Variants in ITGA4 observed in about 807,000 individuals in gnomAD.
ITGA4 encodes integrin subunit alpha 4.
A neutral mutation model predicts 133.6 loss-of-function variants in ITGA4; 63 were observed. The ratio of observed to expected loss-of-function variants is 0.47; its 90% CI spans 0.38 to 0.58. The LOEUF is 0.58. ITGA4 is among the 20% of genes least tolerant of loss of function. ITGA4 has a pLI of 0.00. For synonymous variants in ITGA4, 483 were observed against 438.0 expected (o/e 1.10, Z -1.28); for missense variants, 1,076 against 1,252.7 (o/e 0.86, Z 2.13).
intron 9 of ITGA4, among the ~76,000 whole-genome samples, chr2:181,485,497 T>C (rs1685895056): frequency 6.6e-6 from 1 of 152,204 alleles, no homozygotes; most frequent in South Asian, 2.1e-4. Flanking sequence ...TGTGGGCTTA[T>C]TGAAGAAAGG....
chr2:181,534,262 T>G lies in ITGA4; in HGVS notation c.2785-10T>G. 6.5e-7 allele frequency: 1 copy of G among 1,537,094 alleles called. No individual in the cohort carries two copies. The highest frequency in any genetic ancestry group is 9.0e-7 in the Non-Finnish European group (1 of 1,110,546). ...AACCAGGCTATGGTGATCCTTCTTT[T>G]ATTAAACAGGATGAGACTTCAGCAC... is the stretch of plus-strand genomic sequence containing the variant. On this transcript the variant is annotated splice_polypyrimidine_tract_variant and intron_variant, in intron 25 of 27. Transcript: ENST00000397033.
intron 26 of ITGA4, 71 bp downstream of exon 26, chr2:181,534,441 T>G: frequency 1.1e-6 from 1 of 916,586 alleles, no homozygotes; most frequent in Non-Finnish European, 1.8e-6. Context: ...TATAATTACT[T>G]CCTTCTGAGT....
chr2:181,481,716 C>T lies in ITGA4; in HGVS notation c.840+33C>T. On this transcript the variant is annotated intron_variant, in intron 7 of 27. Transcript: ENST00000397033. ...TTACATTTTTATATTTATTTCTTCA[C>T]AAAGGTTCAAATATATTGCATGAAT... 2.7e-6 allele frequency: 3 copies of T among 1,093,816 alleles called. No homozygotes were observed. In the African/African-American group the frequency reaches 4.7e-5, roughly 17 times the overall value. 67.8% of individuals were successfully genotyped at this position (1,093,816 alleles called of 1,614,324 possible). A position where few individuals can be genotyped will look rare whatever the true frequency, so the allele number is the denominator to read the frequency against.
At position 181,531,744 on chromosome 2, in the gene ITGA4, C is replaced by A; in HGVS notation, c.2752C>A (p.Gln918Lys). ...TGGAAAAGAAGCCAGTGTTCATATC[C>A]AACTGGAAGGCCGGCCATCCATTTT... is the stretch of plus-strand genomic sequence containing the variant. Reference protein sequence around the residue: ...ESGKEASVHIQLEGRPSILEM... With the variant: ...ESGKEASVHIKLEGRPSILEM... The change falls in exon 25 of 28, where the codon CAA (glutamine) becomes AAA (lysine). Residue 918 changes from glutamine to lysine, a missense_variant. Around this residue, in one of 4 missense-constraint regions of ITGA4, gnomAD observed 193 missense variants for 172.3 expected, o/e 1.12. Transcript: ENST00000397033. 1 of 1,600,592 alleles carries A rather than the reference C, an allele frequency of 6.2e-7. No homozygotes were observed. The highest frequency in any genetic ancestry group is 8.5e-7 in the Non-Finnish European group (1 of 1,174,284).
chr2:181,514,522 A>T (rs1235855747), intron 17 of ITGA4, among the ~76,000 whole-genome samples: 2 of 139,572 alleles, frequency 1.4e-5, no homozygotes. Flanking sequence ...GTATCCCAGC[A>T]TGTAGGGCAG....
chr2:181,474,635 C>A (rs1228566892), intron 2 of ITGA4, among the ~76,000 whole-genome samples: 1 of 152,162 alleles, frequency 6.6e-6, no homozygotes, highest in African/African-American at 2.4e-5. Flanking sequence ...CTTTTCCAAA[C>A]GTTAGACACA....
At chr2:181,480,297 C>A (rs1476993415) in intron 6 of ITGA4, 31 bp downstream of exon 6, 12 of 1,230,790 alleles carry the variant, frequency 9.7e-6, no homozygotes, top group African/African-American at 1.6e-5. Context: ...CTTAAATGAT[C>A]TGTGCCTTAC....
chr2:181,470,646 A>C (rs1352247661), intron 2 of ITGA4, among the ~76,000 whole-genome samples: 4 of 152,146 alleles, frequency 2.6e-5, no homozygotes, highest in Non-Finnish European at 5.9e-5. Flanking sequence ...AAAGCTTTGG[A>C]GAAGGCCATG....
chr2:181,523,810 C>T lies in ITGA4; in HGVS notation c.2169+278C>T, dbSNP rs1312624327. Among the ~76,000 whole-genome samples, 1 of 152,136 alleles carries T rather than the reference C, an allele frequency of 6.6e-6. No individual in the cohort carries two copies. Among genetic ancestry groups the T allele is most frequent in the Non-Finnish European group, 1.5e-5 (1 of 68,016 alleles). On this transcript the variant is annotated intron_variant, in intron 19 of 27. Transcript: ENST00000397033. This position sits in a 1 kb window ranked among gnomAD's most constrained non-coding sequence, Gnocchi z 4.2. ...CCTACACACCCTTCCCGAAAACCCCCACCCCCACCGCAGGTGGTCCTGTCT... is the reference window on the plus strand; with the variant it reads ...CCTACACACCCTTCCCGAAAACCCCTACCCCCACCGCAGGTGGTCCTGTCT...
At chr2:181,497,448 C>T (rs2105746681) in intron 14 of ITGA4, among the ~76,000 whole-genome samples, 1 of 151,964 alleles carries the variant, frequency 6.6e-6, no homozygotes, top group Non-Finnish European at 1.5e-5. Context: ...TTTTTCTGAA[C>T]TCAGGGCAAT....
chr2:181,525,336 C>A, intron 21 of ITGA4, 45 bp downstream of exon 21: 1 of 1,025,140 alleles, frequency 9.8e-7, no homozygotes, highest in Non-Finnish European at 1.5e-6. Flanking sequence ...AGCTGATTTA[C>A]AGTTTCCTTG....
At chr2:181,487,037 A>T (rs553188074) in intron 10 of ITGA4, among the ~76,000 whole-genome samples, 1 of 152,278 alleles carries the variant, frequency 6.6e-6, no homozygotes, top group Admixed American at 6.5e-5. Context: ...CTTCCAGTGA[A>T]CCTTCTTAAA....
chr2:181,502,195 TTGG>T (rs1223054756), intron 15 of ITGA4, among the ~76,000 whole-genome samples: 1 of 149,248 alleles, frequency 6.7e-6, no homozygotes, highest in Non-Finnish European at 1.5e-5. Context: ...GCAGAGGCTG[TTGG>T]TGGTGGTGAC....
intron 23 of ITGA4, 47 bp from the exon 24 acceptor site, chr2:181,530,477 T>A (rs1686921900): frequency 6.4e-7 from 1 of 1,560,118 alleles, no homozygotes; most frequent in Non-Finnish European, 8.7e-7. Context: ...TTTGCTGTTT[T>A]TTCCAGTGTT....
chr2:181,470,274 A>T (rs1233778172), intron 2 of ITGA4, among the ~76,000 whole-genome samples: 1 of 152,086 alleles, frequency 6.6e-6, no homozygotes, highest in Non-Finnish European at 1.5e-5. Context: ...AGGAAAAAAA[A>T]TATGAGATTT....
intron 9 of ITGA4, among the ~76,000 whole-genome samples, chr2:181,484,381 T>G (rs951842486): frequency 6.6e-6 from 1 of 152,178 alleles, no homozygotes; most frequent in Admixed American, 6.5e-5. Context: ...AGAAGAGTGA[T>G]CACCTCTTCC....
intron 2 of ITGA4, among the ~76,000 whole-genome samples, chr2:181,471,260 C>T (rs1013881705): frequency 1.8e-4 from 27 of 152,044 alleles, no homozygotes; most frequent in African/African-American, 6.3e-4. Context: ...AATTGTTTTT[C>T]GTTTACTGAC....
intron 7 of ITGA4, 130 bp from the exon 8 acceptor site, chr2:181,482,230 C>G (rs141169448): frequency 3.2e-6 from 3 of 936,556 alleles, no homozygotes; most frequent in Non-Finnish European, 4.6e-6. Context: ...TCACTCTCAA[C>G]AGGATTTATT....
chr2:181,498,303 C>T (rs1486417540), intron 14 of ITGA4: 4 of 162,880 alleles, frequency 2.5e-5, no homozygotes, highest in African/African-American at 9.6e-5. Context: ...GAATATGAAA[C>T]ATGCAAGACT....
Sources: allele counts gnomAD v4.1 joint callset (sites outside exome capture counted in the v4.1 genomes callset), GRCh38; gene constraint gnomAD v4.1.1; regional missense constraint gnomAD v4.1.1; non-coding constraint Gnocchi (gnomAD v3.1); transcripts MANE v1.5; gene names NCBI Gene and HGNC (gene_info 2026-07-23, HGNC 2026-07-21).